DMP1: variants seen among roughly 807,000 people sequenced by gnomAD.
DMP1 encodes dentin matrix acidic phosphoprotein 1, also known as dentin matrix protein 1.
DMP1 carries 20 observed loss-of-function variants against 14.6 expected under a neutral mutation model. The ratio of observed to expected loss-of-function variants is 1.37; its 90% CI spans 0.96 to 1.99. The LOEUF (loss-of-function observed/expected upper bound fraction) is 1.99, where lower values mean the gene tolerates loss of function less well. Ranked by LOEUF, DMP1 falls within the 30% of genes most tolerant of loss-of-function variation. The pLI, the probability that DMP1 is intolerant of heterozygous loss-of-function variation, is 0.00. For missense variants in DMP1, 567 were observed against 620.5 expected, an observed-to-expected ratio of 0.91 and a Z score of 0.92; for synonymous variants, 197 against 215.3, an observed-to-expected ratio of 0.91 and a Z score of 0.75.
At position 87,656,472 on chromosome 4, in the gene DMP1, G is replaced by A; in HGVS notation, c.-21G>A. ...GAAACATCTATGTCCTTCATTCCAG[G>A]TAGAGGTATCACACCCAACTATGAA... On this transcript the variant is annotated splice_region_variant and 5_prime_UTR_variant, in exon 2 of 6. Coordinates refer to ENST00000339673, the MANE Select transcript of DMP1 (RefSeq NM_004407.4). The A allele has an allele frequency of 6.4e-7, 1 of 1,567,016 alleles. No homozygotes were observed. Among genetic ancestry groups the A allele is most frequent in the Non-Finnish European group, 8.8e-7 (1 of 1,137,228 alleles).
At chr4:87,661,916 A>G (rs1330222112) in intron 5 of DMP1, 46 bp from the exon 6 acceptor site, 12 of 1,613,968 alleles carry the variant, frequency 7.4e-6, no homozygotes, top group African/African-American at 5.3e-5. Context: ...CTCCTTCTCT[A>G]TCGGTTCCTG....
At chr4:87,653,407 A>ATATATATATATATATATATATATATATAT (rs1728583768) in intron 1 of DMP1, among the ~76,000 whole-genome samples, 5 of 104,162 alleles carry the variant, frequency 4.8e-5, no homozygotes, top group South Asian at 2.7e-4. Context: ...ATATATATAT[A>ATATATATATATATATATATATATATATAT]TATATATATA....
chr4:87,664,042 C>G lies in DMP1; in HGVS notation c.*722C>G, dbSNP rs1257113574. 6.8e-6 allele frequency: 1 copy of G among 147,074 alleles called. No homozygotes were observed. The highest frequency in any genetic ancestry group is 7.0e-5 in the Admixed American group (1 of 14,282). 9.1% of individuals were successfully genotyped at this position (147,074 alleles called of 1,614,324 possible). A position where few individuals can be genotyped will look rare whatever the true frequency, so the allele number is the denominator to read the frequency against. ...GTTTTGGATAAGAAAATCTTTTTCT[C>G]CCAATTAATTTACCAATTCATCATT... On this transcript the variant is annotated 3_prime_UTR_variant, in exon 6 of 6. Coordinates refer to ENST00000339673, the MANE Select transcript of DMP1 (RefSeq NM_004407.4).
chr4:87,662,869 G>A lies in DMP1; in HGVS notation c.1091G>A (p.Arg364Lys). ...CAGGAAGAGGTGGTGAGTGAGTCCA[G>A]GGGAGATAACCCCGACCCCACAACT... ...ESQEEVVSES[R>K]GDNPDPTTSY... Residue 364 changes from arginine to lysine, a missense_variant, in exon 6 of 6, where the codon AGG becomes AAG. By Grantham distance (26) the Arg-to-Lys change is conservative (BLOSUM62 2). Coordinates refer to ENST00000339673, the MANE Select transcript of DMP1 (RefSeq NM_004407.4). The A allele has an allele frequency of 1.2e-6, 2 of 1,614,114 alleles. No homozygotes were observed. The highest frequency in any genetic ancestry group is 1.7e-6 in the Non-Finnish European group (2 of 1,180,004).
Position 87,663,423 on chromosome 4 carries a change from C to A in DMP1, c.*103C>A. 6.5e-7 allele frequency: 1 copy of A among 1,549,788 alleles called. No homozygotes were observed. The stretch of plus-strand genomic sequence containing the variant: ...ATTGATGTTTTGATCAAAAGAATAA[C>A]CAGATGCCATATTTTTCCTGAAAGG... On this transcript the variant is annotated 3_prime_UTR_variant, in exon 6 of 6. Coordinates refer to ENST00000339673, the MANE Select transcript of DMP1 (RefSeq NM_004407.4).
At position 87,659,585 on chromosome 4, in the gene DMP1, A is replaced by G; in HGVS notation, c.183+107A>G. 3.5e-6 allele frequency: 4 copies of G among 1,128,708 alleles called. No individual in the cohort carries two copies. In the Admixed American group the frequency reaches 5.1e-5, roughly 14 times the overall value. The allele number at this position is 1,128,708 out of a possible 1,614,324, so 69.9% of individuals were successfully genotyped here. A position where few individuals can be genotyped will look rare whatever the true frequency, so the allele number is the denominator to read the frequency against. On this transcript the variant is annotated intron_variant, in intron 5 of 5. Transcript: ENST00000339673. ...GTTCTAAATATAATATTTTCTAACT[A>G]TGAGTTATGCTGGCTAAAGAGTCCT...
At position 87,662,602 on chromosome 4, in the gene DMP1, A is replaced by T; in HGVS notation, c.824A>T (p.Glu275Val). The T allele has an allele frequency of 6.2e-7, 1 of 1,614,166 alleles. No individual in the cohort carries two copies. The highest frequency in any genetic ancestry group is 8.5e-7 in the Non-Finnish European group (1 of 1,180,032). Residue 275 changes from glutamate (E) to valine (V), a missense_variant, in exon 6 of 6, where the codon GAG (glutamate) becomes GTG (valine). Glu to Val is a moderately radical substitution (Grantham distance 121). Transcript: ENST00000339673. The stretch of plus-strand genomic sequence containing the variant: ...ATTTTTAGGAAGTCTCGCATCTCAG[A>T]GGAAGATGACAGAAGCGAGCTTGAT... Reference protein sequence around the residue: ...RKIFRKSRISEEDDRSELDDN... With the variant: ...RKIFRKSRISVEDDRSELDDN...
chr4:87,659,056 T>A lies in DMP1; in HGVS notation c.103-164T>A, dbSNP rs531001814. The A allele has an allele frequency of 9.8e-5, 69 of 703,322 alleles. No individual in the cohort carries two copies. The Admixed American group carries it at 1.4e-3, about 14-fold the overall frequency. 43.6% of individuals were successfully genotyped at this position (703,322 alleles called of 1,614,324 possible). On this transcript the variant is annotated intron_variant, in intron 3 of 5. Transcript: ENST00000339673. Reference sequence around the variant, plus strand: ...TTTCAAGCCATTAGTCATTTTACTTTCCTTTTGGAACCATTTCATCATAAA... The same window carrying A: ...TTTCAAGCCATTAGTCATTTTACTTACCTTTTGGAACCATTTCATCATAAA...
chr4:87,651,795 CAAAT>C (rs1252662165), intron 1 of DMP1, among the ~76,000 whole-genome samples: 7 of 151,950 alleles, frequency 4.6e-5, no homozygotes, highest in Non-Finnish European at 1.0e-4. Flanking sequence ...AATACTAAGA[CAAAT>C]AAAGCAAATT....
At chr4:87,660,702 C>T (rs1005280148) in intron 5 of DMP1, 2 of 152,208 alleles carry the variant, frequency 1.3e-5, no homozygotes, top group African/African-American at 4.8e-5. Context: ...ACAGGGCTCA[C>T]CTCTCTGACT....
intron 2 of DMP1, 134 bp from the exon 3 acceptor site, chr4:87,656,898 G>GT (rs896666558): frequency 5.8e-6 from 4 of 687,408 alleles, no homozygotes; most frequent in Non-Finnish European, 1.1e-5. Context: ...AGAAATCAGT[G>GT]TTTTAACAAG....
chr4:87,659,267 T>C lies in DMP1; in HGVS notation c.135+15T>C, dbSNP rs1048327009. On this transcript the variant is annotated intron_variant, in intron 4 of 5. Coordinates refer to ENST00000339673, the MANE Select transcript of DMP1 (RefSeq NM_004407.4). The stretch of plus-strand genomic sequence containing the variant: ...CACCACCCTTGGTAACTATCTCATT[T>C]ACTTTTGTCATAAACATCTCATGAA... 3.7e-6 allele frequency: 6 copies of C among 1,613,894 alleles called. No individual in the cohort carries two copies. The highest frequency in any genetic ancestry group is 4.2e-6 in the Non-Finnish European group (5 of 1,179,854).
chr4:87,658,106 A>G (rs541485677), intron 3 of DMP1, among the ~76,000 whole-genome samples: 1 of 152,356 alleles, frequency 6.6e-6, no homozygotes, highest in South Asian at 2.1e-4. Flanking sequence ...CATGAGAAAA[A>G]TAACAATGTC....
chr4:87,659,111 T>A lies in DMP1; in HGVS notation c.103-109T>A, dbSNP rs1728781377. The stretch of plus-strand genomic sequence containing the variant: ...CACTATTACTCATGTAAATGTAAGA[T>A]CTCTACCAAGAAACTAAAAATAATA... On this transcript the variant is annotated intron_variant, in intron 3 of 5. Transcript: ENST00000339673. 3 of 1,134,978 alleles carry A rather than the reference T, an allele frequency of 2.6e-6. 1 individual carries two copies. In the Admixed American group the frequency reaches 5.7e-5, roughly 22 times the overall value. The allele number at this position is 1,134,978 out of a possible 1,614,324, so 70.3% of individuals were successfully genotyped here.
At chr4:87,652,956 A>G (rs1028481758) in intron 1 of DMP1, among the ~76,000 whole-genome samples, 1 of 152,210 alleles carries the variant, frequency 6.6e-6, no homozygotes. Context: ...GCTTTCCTGA[A>G]GAAATAAACC....
rs774233500 is a variant in DMP1 at position 87,662,879 on chromosome 4, C to T, written c.1101C>T (p.Asn367=). 3 of 1,614,010 alleles carry T rather than the reference C, an allele frequency of 1.9e-6. No individual in the cohort carries two copies. Among genetic ancestry groups the T allele is most frequent in the Admixed American group, 1.7e-5 (1 of 59,996 alleles). ...EEVVSESRGD[N]PDPTTSYVED... ...TGGTGAGTGAGTCCAGGGGAGATAA[C>T]CCCGACCCCACAACTAGTTATGTAG... Residue 367 remains asparagine (N), a synonymous_variant, in exon 6 of 6, where the codon AAC becomes AAT. Coordinates refer to ENST00000339673, the MANE Select transcript of DMP1 (RefSeq NM_004407.4).
chr4:87,658,226 C>T (rs1351990812), intron 3 of DMP1, among the ~76,000 whole-genome samples: 1 of 152,246 alleles, frequency 6.6e-6, no homozygotes, highest in Non-Finnish European at 1.5e-5. Context: ...TAGCTCCTTT[C>T]CCTAAGGAGA....
At chr4:87,659,076 C>T in intron 3 of DMP1, 144 bp from the exon 4 acceptor site, 3 of 805,184 alleles carry the variant, frequency 3.7e-6, no homozygotes, top group Admixed American at 2.3e-5. Context: ...ACCATTTCAT[C>T]ATAAAATTTC....
intron 1 of DMP1, among the ~76,000 whole-genome samples, chr4:87,655,447 A>G (rs1287068648): frequency 6.6e-6 from 1 of 152,184 alleles, no homozygotes; most frequent in Non-Finnish European, 1.5e-5. Context: ...CCAAACCTGT[A>G]ATCTTCCCCA....
Sources: allele counts gnomAD v4.1 joint callset (sites outside exome capture counted in the v4.1 genomes callset), GRCh38; gene constraint gnomAD v4.1.1; transcripts MANE v1.5; gene names NCBI Gene and HGNC (gene_info 2026-07-23, HGNC 2026-07-21).